AMD1: variants seen among roughly 807,000 people sequenced by gnomAD.
AMD1 encodes S-adenosylmethionine decarboxylase proenzyme.
AMD1 carries 11 observed loss-of-function variants against 40.2 expected under a neutral mutation model. The observed-to-expected ratio is 0.27, with a 90% CI of 0.17 to 0.45. The LOEUF (loss-of-function observed/expected upper bound fraction) is 0.45. Ranked by LOEUF, AMD1 falls within the 20% of genes least tolerant of loss-of-function variation. The probability of loss-of-function intolerance (pLI) is 1.00; values close to 1 mark genes in which losing one functional copy is unlikely to be tolerated. For synonymous variants in AMD1, 121 were observed against 130.8 expected (o/e 0.93, Z 0.51); for missense variants, 257 against 410.2 (o/e 0.63, Z 3.23).
chr6:110,845,341 G>C, the AMD1 span, among the ~76,000 whole-genome samples: 1 of 151,928 alleles, frequency 6.6e-6, no homozygotes, highest in Admixed American at 6.6e-5. Flanking sequence ...ACCTGGCCCG[G>C]TGCCACAGAC....
intron 1 of AMD1, among the ~76,000 whole-genome samples, chr6:110,882,546 G>C (rs1342865218): frequency 6.6e-6 from 1 of 152,198 alleles, no homozygotes; most frequent in African/African-American, 2.4e-5. Flanking sequence ...AGCTGTTGCA[G>C]AGTTTTTCAC....
chr6:110,851,154 C>A, the AMD1 span, among the ~76,000 whole-genome samples: 1 of 151,744 alleles, frequency 6.6e-6, no homozygotes, highest in Admixed American at 6.6e-5. Flanking sequence ...TTAGTAGAGA[C>A]GAGGTTTCAG....
the AMD1 span, among the ~76,000 whole-genome samples, chr6:110,819,978 AG>A: frequency 1.3e-5 from 2 of 152,218 alleles, no homozygotes; most frequent in African/African-American, 2.4e-5. Flanking sequence ...CAAATGCCAT[AG>A]CAACTTGAGA....
chr6:110,842,037 A>G, the AMD1 span, among the ~76,000 whole-genome samples: 1 of 152,030 alleles, frequency 6.6e-6, no homozygotes, highest in Non-Finnish European at 1.5e-5. Flanking sequence ...TTCTAACCTC[A>G]AGTGATCCTC....
At chr6:110,875,303 T>C in intron 1 of AMD1, 88 bp downstream of exon 1, 2 of 1,100,932 alleles carry the variant, frequency 1.8e-6, no homozygotes, top group Non-Finnish European at 2.7e-6. Flanking sequence ...CCGAGTTCCC[T>C]CAGCTTTCAG....
chr6:110,883,660 C>T (rs1169792162), intron 1 of AMD1, among the ~76,000 whole-genome samples: 1 of 152,146 alleles, frequency 6.6e-6, no homozygotes, highest in Non-Finnish European at 1.5e-5. Flanking sequence ...GACACGATCT[C>T]GGCTCACTGC....
chr6:110,841,239 C>T, the AMD1 span, among the ~76,000 whole-genome samples: 2 of 152,198 alleles, frequency 1.3e-5, no homozygotes, highest in South Asian at 4.1e-4. Context: ...AGTTCCTCTT[C>T]AAAGTTTCCC....
chr6:110,815,249 G>C, the AMD1 span: 10 of 1,220,140 alleles, frequency 8.2e-6, no homozygotes, highest in Non-Finnish European at 1.0e-5. Context: ...TCTCGCGCGC[G>C]CGCGCGCGCC....
chr6:110,875,088 T>G lies in AMD1; in HGVS notation c.-18T>G. 4 of 1,601,862 alleles carry G rather than the reference T, an allele frequency of 2.5e-6. No individual in the cohort carries two copies. The highest frequency in any genetic ancestry group is 2.2e-5 in the South Asian group (2 of 90,170). ...GTTGATTTTCTGTGGTTGTTGGTTG[T>G]TCGCTAGTCTCACGGTGATGGAAGC... On this transcript the variant is annotated 5_prime_UTR_variant, in exon 1 of 9. Transcript: ENST00000368885.
chr6:110,840,086 T>C, the AMD1 span, among the ~76,000 whole-genome samples: 1 of 147,294 alleles, frequency 6.8e-6, no homozygotes, highest in Non-Finnish European at 1.5e-5. Context: ...TGGTGCGATC[T>C]CGGCTCACTG....
intron 6 of AMD1, 127 bp downstream of exon 6, chr6:110,892,570 T>C: frequency 1.3e-5 from 19 of 1,445,960 alleles, no homozygotes; most frequent in Non-Finnish European, 1.8e-5. Context: ...ACTTGTGTCA[T>C]GGGGGTTTGT....
chr6:110,832,708 C>T, the AMD1 span, among the ~76,000 whole-genome samples: 9 of 152,304 alleles, frequency 5.9e-5, no homozygotes, highest in African/African-American at 1.9e-4. Flanking sequence ...TTTTTAAAAG[C>T]TCATCCTCTA....
intron 1 of AMD1, among the ~76,000 whole-genome samples, chr6:110,884,711 C>T (rs1785593691): frequency 6.6e-6 from 1 of 152,034 alleles, no homozygotes; most frequent in Non-Finnish European, 1.5e-5. Context: ...CTGGCCACAA[C>T]AGCCTTTAAA....
upstream of AMD1, chr6:110,874,753 A>C (rs529849115): frequency 8.7e-5 from 15 of 172,588 alleles, no homozygotes; most frequent in East Asian, 7.8e-4. Context: ...GGGAGCCGGG[A>C]TATATAAGGG....
intron 1 of AMD1, among the ~76,000 whole-genome samples, chr6:110,886,757 A>G (rs1228134696): frequency 1.3e-5 from 2 of 152,230 alleles, no homozygotes; most frequent in Non-Finnish European, 2.9e-5. Flanking sequence ...TGGGCGACAG[A>G]GTGAGACCCT....
At chr6:110,882,426 T>G (rs1230311148) in intron 1 of AMD1, among the ~76,000 whole-genome samples, 1 of 152,206 alleles carries the variant, frequency 6.6e-6, no homozygotes, top group East Asian at 1.9e-4. Context: ...ATAACCATAG[T>G]CAATGTATAA....
rs34012901 is a variant in AMD1, at chr6:110,886,222, CAA to C, written c.111-1267_111-1266del. ...TGGGTGACAGAGCAAGACTCAGTCTCAAAAAAAAAAAAAAAAAGATTTGCCAT... is the reference window on the plus strand; with the variant it reads ...TGGGTGACAGAGCAAGACTCAGTCTCAAAAAAAAAAAAAAAGATTTGCCAT... On this transcript the variant is annotated intron_variant, in intron 1 of 8. Coordinates refer to ENST00000368885, the MANE Select transcript of AMD1 (RefSeq NM_001634.6). Among the ~76,000 whole-genome samples the C allele has an allele frequency of 6.6e-3, 920 of 138,936 alleles. 9 individuals are homozygous for C. Among genetic ancestry groups the C allele is most frequent in the African/African-American group, 0.014 (543 of 37,504 alleles). The allele number at this position is 138,936 out of a possible 152,430, so 91.1% of individuals were successfully genotyped here.
chr6:110,881,316 G>C (rs1158528947), intron 1 of AMD1, among the ~76,000 whole-genome samples: 1 of 152,082 alleles, frequency 6.6e-6, no homozygotes, highest in African/African-American at 2.4e-5. Context: ...TCCACTGCAT[G>C]CTGGCAACAC....
chr6:110,889,107 A>G, intron 3 of AMD1, 124 bp downstream of exon 3: 1 of 1,171,182 alleles, frequency 8.5e-7, no homozygotes, highest in Non-Finnish European at 1.2e-6. Context: ...ACACGTGGTA[A>G]GGTGTTCATA....
Sources: allele counts gnomAD v4.1 joint callset (sites outside exome capture counted in the v4.1 genomes callset), GRCh38; gene constraint gnomAD v4.1.1; transcripts MANE v1.5; gene names NCBI Gene and HGNC (gene_info 2026-07-23, HGNC 2026-07-21).